The following IMMP2L variants were observed in gnomAD, a reference collection of about 807,000 sequenced individuals.
IMMP2L encodes the protein inner mitochondrial membrane peptidase subunit 2.
In IMMP2L, 18 loss-of-function variants were observed where a neutral mutation model predicts 19.3. The observed-to-expected ratio is 0.93, with a 90% CI of 0.64 to 1.38. IMMP2L has a LOEUF of 1.38. Ranked by LOEUF, IMMP2L falls within the 40% of genes most tolerant of loss-of-function variation. IMMP2L has a pLI of 0.00. For missense variants in IMMP2L, 233 were observed against 218.2 expected (o/e 1.07, Z -0.43); for synonymous variants, 76 against 73.0 (o/e 1.04, Z -0.21).
intron 3 of IMMP2L, among the ~76,000 whole-genome samples, chr7:111,406,746 A>G (rs559924388): frequency 6.6e-6 from 1 of 152,124 alleles, no homozygotes; most frequent in African/African-American, 2.4e-5. Context: ...AGTGACTCCT[A>G]TCAATTCTAT....
At chr7:111,283,261 AC>A (rs1450600217) in intron 3 of IMMP2L, among the ~76,000 whole-genome samples, 1 of 152,198 alleles carries the variant, frequency 6.6e-6, no homozygotes, top group Non-Finnish European at 1.5e-5. Flanking sequence ...AAAAACAATT[AC>A]AGAACATTGT....
At chr7:110,724,764 T>C (rs1023826635) in intron 5 of IMMP2L, among the ~76,000 whole-genome samples, 1 of 152,140 alleles carries the variant, frequency 6.6e-6, no homozygotes, top group Non-Finnish European at 1.5e-5. Context: ...AAAACAAAAA[T>C]GACTATTTAA....
intron 5 of IMMP2L, among the ~76,000 whole-genome samples, chr7:110,835,219 AT>A (rs1156687014): frequency 1.3e-5 from 2 of 152,144 alleles, no homozygotes; most frequent in East Asian, 3.9e-4. Flanking sequence ...ATCAAAAGAG[AT>A]TTTGCCCAGG....
chr7:110,940,807 GA>G, intron 4 of IMMP2L, among the ~76,000 whole-genome samples: 1 of 151,826 alleles, frequency 6.6e-6, no homozygotes, highest in Admixed American at 6.6e-5. Flanking sequence ...TCATGGGAAA[GA>G]AAAACCACAA....
chr7:110,783,058 G>A (rs968462192), intron 5 of IMMP2L, among the ~76,000 whole-genome samples: 1 of 151,846 alleles, frequency 6.6e-6, no homozygotes, highest in Admixed American at 6.6e-5. Context: ...GCGTTCTTGA[G>A]TACACCGAGG....
chr7:111,401,585 T>C (rs1190112915), intron 3 of IMMP2L, among the ~76,000 whole-genome samples: 1 of 152,146 alleles, frequency 6.6e-6, no homozygotes, highest in Non-Finnish European at 1.5e-5. Context: ...ACACTACAGA[T>C]TACACATCCT....
intron 5 of IMMP2L, among the ~76,000 whole-genome samples, chr7:110,861,069 T>TTGTGTG (rs754363475): frequency 0.077 from 9,920 of 128,106 alleles, 632 homozygotes; most frequent in Non-Finnish European, 0.11. Context: ...CACCAGCAGT[T>TTGTGTG]TGTGTGTGTG....
chr7:111,405,272 TC>T lies in IMMP2L; in HGVS notation c.239+81965del, dbSNP rs561486777. On this transcript the variant is annotated intron_variant, in intron 3 of 5. Coordinates refer to ENST00000405709, the MANE Select transcript of IMMP2L (RefSeq NM_032549.4). ...ATCTGTTATCTCTGAACTCTCTTTC[TC>T]TGCTTTTACTGCTCCCAAGTATACA... Among the ~76,000 whole-genome samples, 273 of 152,208 alleles carry T rather than the reference TC, an allele frequency of 1.8e-3. 2 individuals carry two copies. The highest frequency in any genetic ancestry group is 6.3e-3 in the African/African-American group (260 of 41,542).
chr7:110,953,939 A>C (rs1043397876), intron 4 of IMMP2L, among the ~76,000 whole-genome samples: 1 of 150,588 alleles, frequency 6.6e-6, no homozygotes, highest in African/African-American at 2.4e-5. Flanking sequence ...CTTTTTTCAC[A>C]TGTTTGTTGG....
At chr7:110,986,776 G>A (rs924585490) in intron 3 of IMMP2L, among the ~76,000 whole-genome samples, 1 of 150,970 alleles carries the variant, frequency 6.6e-6, no homozygotes, top group Non-Finnish European at 1.5e-5. Context: ...CTCCAGTGTT[G>A]TGACACTATC....
chr7:110,911,480 A>C (rs1585234402), intron 4 of IMMP2L, among the ~76,000 whole-genome samples: 1 of 152,302 alleles, frequency 6.6e-6, no homozygotes, highest in East Asian at 1.9e-4. Context: ...CAGAAGAATA[A>C]ATAATAAATG....
chr7:110,977,871 T>C (rs966318001), intron 3 of IMMP2L, among the ~76,000 whole-genome samples: 5 of 152,056 alleles, frequency 3.3e-5, no homozygotes, highest in Admixed American at 3.3e-4. Context: ...GTTTATGAGC[T>C]GTTAAATTCG....
Position 111,471,451 on chromosome 7 carries a change from T to C in IMMP2L, c.239+15787A>G, listed in dbSNP as rs535214048. 2.6e-5 allele frequency among the ~76,000 whole-genome samples: 4 copies of C among 152,174 alleles called. No homozygotes were observed. The South Asian group carries it at 6.2e-4, about 24-fold the overall frequency. On this transcript the variant is annotated intron_variant, in intron 3 of 5. Coordinates refer to ENST00000405709, the MANE Select transcript of IMMP2L (RefSeq NM_032549.4). The stretch of plus-strand genomic sequence containing the variant: ...ACTTTAGCAGCAAGGTCCAATACAG[T>C]AGCCAAAAGCCACATGTGGTTACTG...
At chr7:111,295,526 G>C (rs1483909390) in intron 3 of IMMP2L, among the ~76,000 whole-genome samples, 1 of 151,810 alleles carries the variant, frequency 6.6e-6, no homozygotes, top group Non-Finnish European at 1.5e-5. Flanking sequence ...TCACAAGACT[G>C]TCACAGAGAA....
intron 4 of IMMP2L, among the ~76,000 whole-genome samples, chr7:110,948,266 A>C (rs59151250): frequency 1.3e-5 from 2 of 152,228 alleles, no homozygotes; most frequent in African/African-American, 4.8e-5. Flanking sequence ...TTTTAGTTTC[A>C]TATCAACATT....
In IMMP2L at chr7:111,178,517, C is replaced by T. The variant is rs147018895; in HGVS notation, c.240-214952G>A. 6.8e-3 allele frequency among the ~76,000 whole-genome samples: 1,037 copies of T among 152,170 alleles called. 12 individuals are homozygous for T. The highest frequency in any genetic ancestry group is 0.022 in the African/African-American group (915 of 41,516). ...AAAGATTTTTTTGCAGCACATGATG[C>T]TGTTTGATAGCATTTTACCCACAGT... On this transcript the variant is annotated intron_variant, in intron 3 of 5. Transcript: ENST00000405709.
In IMMP2L at chr7:110,848,062, G is replaced by A. The variant is rs182463221; in HGVS notation, c.408+38531C>T. On this transcript the variant is annotated intron_variant, in intron 5 of 5. Transcript: ENST00000405709. ...CATGAAAGAAATAATTGATAAGCTG[G>A]GCTTCATTAAAATTTAAAACTTCTG... Among the ~76,000 whole-genome samples, 4 of 152,050 alleles carry A rather than the reference G, an allele frequency of 2.6e-5. No individual in the cohort carries two copies. In the East Asian group the frequency reaches 7.7e-4, roughly 29 times the overall value.
At chr7:111,222,071 G>T (rs1273264047) in intron 3 of IMMP2L, among the ~76,000 whole-genome samples, 2 of 151,864 alleles carry the variant, frequency 1.3e-5, no homozygotes, top group African/African-American at 4.8e-5. Flanking sequence ...TTCCCCCACC[G>T]ATGTATAATG....
At chr7:111,229,742 C>T (rs1319635718) in intron 3 of IMMP2L, among the ~76,000 whole-genome samples, 1 of 152,062 alleles carries the variant, frequency 6.6e-6, no homozygotes, top group Non-Finnish European at 1.5e-5. Flanking sequence ...CATTAGTACA[C>T]ACCACACTTT....
Sources: allele counts gnomAD v4.1 joint callset (sites outside exome capture counted in the v4.1 genomes callset), GRCh38; gene constraint gnomAD v4.1.1; transcripts MANE v1.5; gene names NCBI Gene and HGNC (gene_info 2026-07-23, HGNC 2026-07-21).